Variants in DNAH10 observed in about 807,000 individuals in gnomAD.
The protein encoded by DNAH10 is dynein axonemal heavy chain 10.
DNAH10 carries 348 observed loss-of-function variants against 506.6 expected under a neutral mutation model. That is an observed-to-expected ratio of 0.69 (90% CI 0.63 to 0.75). The LOEUF is 0.75. Among genes scored for constraint, DNAH10 ranks in the 30% least tolerant of loss-of-function variants. The pLI is 0.00. For synonymous variants in DNAH10, 2,059 were observed against 2,198.6 expected, an observed-to-expected ratio of 0.94 and a Z score of 1.78; for missense variants, 5,179 against 5,787.1, an observed-to-expected ratio of 0.89 and a Z score of 3.41.
At chr12:123,797,560 T>G (rs1196829496) in intron 13 of DNAH10, among the ~76,000 whole-genome samples, 1 of 151,986 alleles carries the variant, frequency 6.6e-6, no homozygotes, top group African/African-American at 2.4e-5. Flanking sequence ...GCCTGGCCCA[T>G]TTTTGTATTT....
chr12:123,926,681 A>G lies in DNAH10; in HGVS notation c.11966A>G (p.Gln3989Arg). 6.2e-7 allele frequency: 1 copy of G among 1,613,928 alleles called. No homozygotes were observed. The highest frequency in any genetic ancestry group is 8.5e-7 in the Non-Finnish European group (1 of 1,179,866). Residue 3989 changes from glutamine (Q) to arginine (R), a missense_variant, in exon 69 of 79, where the codon CAG becomes CGG. Physicochemically the swap from Gln to Arg is conservative, Grantham distance 43 (BLOSUM62 1). Coordinates refer to ENST00000673944, the MANE Select transcript of DNAH10 (RefSeq NM_001372106.1). The surrounding 1 kb of genome is among the most constrained non-coding windows in gnomAD (Gnocchi z 4.1). Reference protein sequence around the residue: ...PMISFEAIFEQSTPHSPIVFI... With the variant: ...PMISFEAIFERSTPHSPIVFI... ...ATCAGCTTTGAAGCTATTTTTGAGC[A>G]GAGCACTCCACATTCGCCCATTGTG...
chr12:123,829,751 CT>C (rs1960342336), intron 25 of DNAH10, among the ~76,000 whole-genome samples: 1 of 152,148 alleles, frequency 6.6e-6, no homozygotes, highest in South Asian at 2.1e-4. Flanking sequence ...TGATTCAACA[CT>C]TGCTGCTCAC....
At chr12:123,900,894 C>T (rs1206141225) in intron 56 of DNAH10, among the ~76,000 whole-genome samples, 1 of 152,148 alleles carries the variant, frequency 6.6e-6, no homozygotes, top group African/African-American at 2.4e-5. Flanking sequence ...GGAGAGAGGG[C>T]TCTTCTTTCC....
In DNAH10 at chr12:123,845,586, T is replaced by G; in HGVS notation, c.5361-14T>G. 1 of 1,611,424 alleles carries G rather than the reference T, an allele frequency of 6.2e-7. No individual in the cohort carries two copies. The highest frequency in any genetic ancestry group is 1.1e-5 in the South Asian group (1 of 91,054). On this transcript the variant is annotated splice_polypyrimidine_tract_variant and intron_variant, in intron 30 of 78. Transcript: ENST00000673944. ...GATTGATCAGAGCCTCTTACAGGTG[T>G]GCGTTTTCTGCAGAGTCGACTGGAT...
chr12:123,896,964 C>A (rs1331701226), intron 54 of DNAH10, among the ~76,000 whole-genome samples: 2 of 152,150 alleles, frequency 1.3e-5, no homozygotes, highest in Non-Finnish European at 2.9e-5. Context: ...TTTTCATCAT[C>A]CCAAACTGAA....
Position 123,830,706 on chromosome 12 carries a change from C to T in DNAH10, c.4545+7C>T. The stretch of plus-strand genomic sequence containing the variant: ...GGAGGTTGCCATTGAGAAGGTAAGA[C>T]TTCAGTTAAAAACAGGCTGGAGAAA... On this transcript the variant is annotated splice_region_variant and intron_variant, in intron 26 of 78. Coordinates refer to ENST00000673944, the MANE Select transcript of DNAH10 (RefSeq NM_001372106.1). 6.2e-7 allele frequency: 1 copy of T among 1,600,454 alleles called. No homozygotes were observed. The highest frequency in any genetic ancestry group is 1.1e-5 in the South Asian group (1 of 87,820).
chr12:123,887,333 C>A lies in DNAH10; in HGVS notation c.8995+20C>A, dbSNP rs761427131. 2 of 1,608,212 alleles carry A rather than the reference C, an allele frequency of 1.2e-6. No homozygotes were observed. The highest frequency in any genetic ancestry group is 1.7e-6 in the Non-Finnish European group (2 of 1,177,850). ...CCTCAGGTACAGCCAAGGCTGGCGCCCGCTGTGGCCAACACCCCGCTCAGC... is the reference window on the plus strand; with the variant it reads ...CCTCAGGTACAGCCAAGGCTGGCGCACGCTGTGGCCAACACCCCGCTCAGC... On this transcript the variant is annotated intron_variant, in intron 52 of 78. Transcript: ENST00000673944.
intron 15 of DNAH10, 35 bp from the exon 16 acceptor site, chr12:123,801,246 T>C: frequency 1.9e-6 from 3 of 1,597,392 alleles, no homozygotes; most frequent in Non-Finnish European, 2.6e-6. Flanking sequence ...TTAAAGGTGC[T>C]CTCCTCAGGT....
At chr12:123,849,143 T>C (rs528032707) in intron 34 of DNAH10, among the ~76,000 whole-genome samples, 1 of 152,326 alleles carries the variant, frequency 6.6e-6, no homozygotes, top group African/African-American at 2.4e-5. Context: ...GGCAGAGTTC[T>C]CAAATAAGTG....
chr12:123,806,268 T>G (rs972702377), intron 18 of DNAH10, among the ~76,000 whole-genome samples: 14 of 152,340 alleles, frequency 9.2e-5, no homozygotes, highest in African/African-American at 2.9e-4. Context: ...TAGTCTCATC[T>G]GAACACATAG....
chr12:123,769,096 G>T (rs539059348), intron 2 of DNAH10, among the ~76,000 whole-genome samples: 1 of 152,272 alleles, frequency 6.6e-6, no homozygotes, highest in South Asian at 2.1e-4. Context: ...TGTGGAGAGG[G>T]AACTACAAGT....
In DNAH10 at chr12:123,833,158, T is replaced by G. The variant is rs1349810758; in HGVS notation, c.4590T>G (p.Thr1530=). 3 of 1,613,672 alleles carry G rather than the reference T, an allele frequency of 1.9e-6. No individual in the cohort carries two copies. Among genetic ancestry groups the G allele is most frequent in the Admixed American group, 1.7e-5 (1 of 59,974 alleles). Residue 1530 remains threonine (T), a synonymous_variant, in exon 27 of 79, where the codon ACT becomes ACG. Coordinates refer to ENST00000673944, the MANE Select transcript of DNAH10 (RefSeq NM_001372106.1). The part of the protein sequence containing the change: ...ILDTWENMKF[T]VVKYCKGTQE... The stretch of plus-strand genomic sequence containing the variant: ...ACACGTGGGAAAATATGAAATTCAC[T>G]GTAGTCAAGTATTGCAAAGGCACAC...
At position 123,893,106 on chromosome 12, in the gene DNAH10, G is replaced by C. The variant is rs1038946432; in HGVS notation, c.8996-127G>C. On this transcript the variant is annotated intron_variant, in intron 52 of 78. Coordinates refer to ENST00000673944, the MANE Select transcript of DNAH10 (RefSeq NM_001372106.1). Reference sequence around the variant, plus strand: ...GCAGGGAGCCTCGGGTCTCAGGTCAGGCCCACACGCTGCTCTCTGGACTCA... The same window carrying C: ...GCAGGGAGCCTCGGGTCTCAGGTCACGCCCACACGCTGCTCTCTGGACTCA... 20 of 994,244 alleles carry C rather than the reference G, an allele frequency of 2.0e-5. No homozygotes were observed. In the African/African-American group the frequency reaches 3.1e-4, roughly 15 times the overall value. 61.6% of individuals were successfully genotyped at this position (994,244 alleles called of 1,614,324 possible).
Position 123,791,182 on chromosome 12 carries a change from A to C in DNAH10, c.1815+1061A>C, listed in dbSNP as rs118010719. Among the ~76,000 whole-genome samples, 644 of 152,274 alleles carry C rather than the reference A, an allele frequency of 4.2e-3. 14 individuals are homozygous for C. Among genetic ancestry groups the C allele is most frequent in the East Asian group, 0.021 (107 of 5,176 alleles). On this transcript the variant is annotated intron_variant, in intron 11 of 78. Coordinates refer to ENST00000673944, the MANE Select transcript of DNAH10 (RefSeq NM_001372106.1). ...GAAAAAAAATCAAGGTTTATACTTCAGGAAGATTTTTCTGGCTACAGTATA... is the reference window on the plus strand; with the variant it reads ...GAAAAAAAATCAAGGTTTATACTTCCGGAAGATTTTTCTGGCTACAGTATA...
At chr12:123,882,411 A>G (rs1952546437) in intron 51 of DNAH10, among the ~76,000 whole-genome samples, 1 of 152,226 alleles carries the variant, frequency 6.6e-6, no homozygotes, top group South Asian at 2.1e-4. Context: ...TCAAGACCAT[A>G]CAATCCACAC....
intron 26 of DNAH10, among the ~76,000 whole-genome samples, chr12:123,832,088 TATAC>T (rs1960617168): frequency 6.6e-6 from 1 of 151,990 alleles, no homozygotes; most frequent in South Asian, 2.1e-4. Flanking sequence ...ACACACAAAA[TATAC>T]ATACAGTGTG....
intron 46 of DNAH10, among the ~76,000 whole-genome samples, chr12:123,874,076 C>G (rs934704654): frequency 6.6e-6 from 1 of 152,132 alleles, no homozygotes. Flanking sequence ...AGACCCTTCC[C>G]AAGAATTCCG....
At chr12:123,811,605 A>T (rs1217867258) in intron 19 of DNAH10, among the ~76,000 whole-genome samples, 1 of 151,870 alleles carries the variant, frequency 6.6e-6, no homozygotes, top group Non-Finnish European at 1.5e-5. Flanking sequence ...GGTTCATGCC[A>T]TTCTCCTGCC....
chr12:123,838,558 C>T lies in DNAH10; in HGVS notation c.5005C>T (p.Gln1669Ter), dbSNP rs907912302. 2.2e-5 allele frequency: 36 copies of T among 1,613,902 alleles called. No individual in the cohort carries two copies. Among genetic ancestry groups the T allele is most frequent in the Non-Finnish European group, 3.0e-5 (35 of 1,179,906 alleles). Residue 1669 changes from glutamine (Q) to a stop codon, truncating the protein, a stop_gained, in exon 29 of 79, where the codon CAG becomes TAG. Transcript: ENST00000673944. LOFTEE classifies it high-confidence loss of function. ...CGTCAGCGAGGGCCTGGAGAAATGC[C>T]AGAAAAGCCTCAACGACTACTTAGA... Reference protein sequence around the residue: ...QNVSEGLEKCQKSLNDYLDSK... With the variant: ...QNVSEGLEKC
Sources: gnomAD v4.1 joint callset for allele counts (sites outside exome capture counted in the v4.1 genomes callset) on GRCh38, gnomAD v4.1.1 for gene constraint, Gnocchi (gnomAD v3.1) non-coding constraint, MANE v1.5 for transcripts, NCBI Gene and HGNC (gene_info 2026-07-23, HGNC 2026-07-21) for gene names.